The following TRMT44 variants were observed in gnomAD, a reference collection of about 807,000 sequenced individuals.
TRMT44 encodes tRNA methyltransferase 44 homolog.
In TRMT44, 78 loss-of-function variants were observed where a neutral mutation model predicts 77.3. The observed-to-expected ratio is 1.01, with a 90% CI of 0.84 to 1.22. TRMT44 has a LOEUF of 1.22. Ranked by LOEUF, TRMT44 falls within the 50% of genes most tolerant of loss-of-function variation. The pLI, the probability that TRMT44 is intolerant of heterozygous loss-of-function variation, is 0.00. For synonymous variants in TRMT44, 391 were observed against 383.3 expected (o/e 1.02, Z -0.23); for missense variants, 1,090 against 964.4 (o/e 1.13, Z -1.73).
chr4:8,514,368 C>A, the TRMT44 span, among the ~76,000 whole-genome samples: 1 of 150,232 alleles, frequency 6.7e-6, no homozygotes, highest in Non-Finnish European at 1.5e-5. Context: ...CCCAGTGGTG[C>A]GATCTTGGCT....
At chr4:8,454,847 G>T (rs758259063) in intron 6 of TRMT44, 34 bp downstream of exon 6, 1 of 1,592,150 alleles carries the variant, frequency 6.3e-7, no homozygotes, top group South Asian at 1.1e-5. Flanking sequence ...CTTGATCTCA[G>T]CATGGCTTAG....
At chr4:8,467,270 C>T (rs955527539) in intron 8 of TRMT44, among the ~76,000 whole-genome samples, 1 of 152,152 alleles carries the variant, frequency 6.6e-6, no homozygotes, top group Non-Finnish European at 1.5e-5. Flanking sequence ...CCCCGCCGGG[C>T]GGCCGAGGGG....
chr4:8,448,311 G>A (rs1725195053), intron 2 of TRMT44, among the ~76,000 whole-genome samples: 2 of 152,206 alleles, frequency 1.3e-5, no homozygotes, highest in Admixed American at 1.3e-4. Flanking sequence ...TGTTAGGGCT[G>A]GCACGCAGCG....
Position 8,482,769 on chromosome 4 carries a change from C to T in TRMT44, n.3891+3236C>T, listed in dbSNP as rs563568536. 1.2e-4 allele frequency among the ~76,000 whole-genome samples: 18 copies of T among 152,276 alleles called. 1 individual carries two copies. The highest frequency in any genetic ancestry group is 2.6e-4 in the Non-Finnish European group (18 of 68,038). Reference sequence around the variant, plus strand: ...TTTCACTTTTGTGATTCTTCAGTTACTTCAGGCCATCTGGGCATATACGTG... The same window carrying T: ...TTTCACTTTTGTGATTCTTCAGTTATTTCAGGCCATCTGGGCATATACGTG... On this transcript the variant is annotated intron_variant and non_coding_transcript_variant, in intron 2 of 2. Coordinates refer to the TRMT44 transcript ENST00000511366.
chr4:8,502,691 G>A, the TRMT44 span, among the ~76,000 whole-genome samples: 1 of 152,074 alleles, frequency 6.6e-6, no homozygotes, highest in Non-Finnish European at 1.5e-5. Context: ...CCCTCTCCCA[G>A]GGCCAGCTCA....
chr4:8,479,362 G>A (rs933524982), downstream of TRMT44: 4 of 143,856 alleles, frequency 2.8e-5, no homozygotes, highest in Non-Finnish European at 6.3e-5. Flanking sequence ...TGAGAAATGC[G>A]TTGTTAGGTG....
chr4:8,494,103 G>GA (rs1405281292), downstream of TRMT44, among the ~76,000 whole-genome samples: 3 of 151,226 alleles, frequency 2.0e-5, no homozygotes, highest in Non-Finnish European at 4.4e-5. Context: ...AGTGTGAAAG[G>GA]AAAATCAATC....
the TRMT44 span, chr4:8,509,192 AG>A: frequency 1.7e-5 from 2 of 120,820 alleles, no homozygotes; most frequent in Non-Finnish European, 3.4e-5. Context: ...TGCAGCCCTG[AG>A]GACGGAGGGA....
intron 2 of TRMT44, among the ~76,000 whole-genome samples, chr4:8,489,621 T>C (rs1264204060): frequency 1.3e-5 from 2 of 152,074 alleles, no homozygotes; most frequent in Non-Finnish European, 2.9e-5. Context: ...GGATTACAGG[T>C]GTTAGCCACC....
At chr4:8,497,757 C>A (rs533524260), downstream of TRMT44, among the ~76,000 whole-genome samples, 1 of 152,252 alleles carries the variant, frequency 6.6e-6, no homozygotes, top group African/African-American at 2.4e-5. Flanking sequence ...TCCTCCTGTT[C>A]TCCATATCAG....
chr4:8,466,442 T>C lies in TRMT44; in HGVS notation c.1494+881T>C, dbSNP rs372476850. On this transcript the variant is annotated intron_variant, in intron 8 of 10. Transcript: ENST00000389737. The stretch of plus-strand genomic sequence containing the variant: ...AGAGCCCACAGCGGGGAGGGCATGT[T>C]GTGGGCACTCGCTGGCCGGCTGCCG... 1.1e-4 allele frequency among the ~76,000 whole-genome samples: 16 copies of C among 152,310 alleles called. No homozygotes were observed. In the East Asian group the frequency reaches 2.9e-3, roughly 28 times the overall value.
rs1362461830 is a variant in TRMT44 at position 8,446,842 on chromosome 4, G to A, written c.734+252G>A. ...TTCCCTGTGGCTGTGATGATCAGCA[G>A]CCCTTAGCATTAGCTCTGAAGTCAA... On this transcript the variant is annotated intron_variant, in intron 2 of 10. Transcript: ENST00000389737. This position sits in a 1 kb window ranked among gnomAD's most constrained non-coding sequence, Gnocchi z 4.3. Among the ~76,000 whole-genome samples the A allele has an allele frequency of 6.6e-6, 1 of 152,100 alleles. No homozygotes were observed. The highest frequency in any genetic ancestry group is 1.5e-5 in the Non-Finnish European group (1 of 68,012).
chr4:8,492,370 G>A (rs1728033863), intron 2 of TRMT44, among the ~76,000 whole-genome samples: 2 of 152,166 alleles, frequency 1.3e-5, no homozygotes, highest in African/African-American at 4.8e-5. Context: ...GACCGCCGTG[G>A]TGCTGAAACC....
Position 8,488,910 on chromosome 4 carries a change from G to A in TRMT44, n.3892-4356G>A, listed in dbSNP as rs373943944. ...TATTTGGAGGGGGAACCACTGCGAC[G>A]AAGGGAGGAAAATCACCAGTAAGAG... is the stretch of plus-strand genomic sequence containing the variant. On this transcript the variant is annotated intron_variant and non_coding_transcript_variant, in intron 2 of 2. Coordinates refer to the TRMT44 transcript ENST00000511366. Among the ~76,000 whole-genome samples, 21 of 152,342 alleles carry A rather than the reference G, an allele frequency of 1.4e-4. No homozygotes were observed. In the East Asian group the frequency reaches 2.9e-3, roughly 21 times the overall value.
the TRMT44 span, among the ~76,000 whole-genome samples, chr4:8,505,137 C>T: frequency 6.6e-6 from 1 of 152,220 alleles, no homozygotes; most frequent in African/African-American, 2.4e-5. Context: ...CTCTCTAGGT[C>T]CCTGTCCCTC....
At chr4:8,492,190 T>C (rs1386839510) in intron 2 of TRMT44, among the ~76,000 whole-genome samples, 2 of 152,166 alleles carry the variant, frequency 1.3e-5, no homozygotes, top group Non-Finnish European at 2.9e-5. Context: ...CCAAAACTCT[T>C]CAGCTGCCTT....
At chr4:8,513,512 A>G in the TRMT44 span, among the ~76,000 whole-genome samples, 1 of 152,190 alleles carries the variant, frequency 6.6e-6, no homozygotes, top group East Asian at 1.9e-4. Flanking sequence ...CATAAAGTCT[A>G]ATCATAAAGG....
At chr4:8,453,046 G>GTGAACCCTGTGCCTGACTT in intron 5 of TRMT44, 57 bp downstream of exon 5, 1 of 1,096,528 alleles carries the variant, frequency 9.1e-7, no homozygotes, top group African/African-American at 1.6e-5. Context: ...CCTCAAGTCA[G>GTGAACCCTGTGCCTGACTT]GCACAGGGTT....
intron 1 of TRMT44, among the ~76,000 whole-genome samples, chr4:8,443,291 T>A (rs1229227724): frequency 1.3e-5 from 2 of 152,232 alleles, no homozygotes; most frequent in Non-Finnish European, 2.9e-5. Flanking sequence ...TGTGTAGACT[T>A]CGCTGAACAG....
Sources: gnomAD v4.1 joint callset for allele counts (sites outside exome capture counted in the v4.1 genomes callset) on GRCh38, gnomAD v4.1.1 for gene constraint, Gnocchi (gnomAD v3.1) non-coding constraint, MANE v1.5 for transcripts, NCBI Gene and HGNC (gene_info 2026-07-23, HGNC 2026-07-21) for gene names.